The following NEDD4L variants were observed in gnomAD, a reference collection of about 807,000 sequenced individuals.
NEDD4L encodes the protein NEDD4 like E3 ubiquitin protein ligase, also known as E3 ubiquitin-protein ligase NEDD4-like.
In NEDD4L, 54 loss-of-function variants were observed where a neutral mutation model predicts 148.9. The ratio of observed to expected loss-of-function variants is 0.36; its 90% CI spans 0.29 to 0.45. The LOEUF (loss-of-function observed/expected upper bound fraction) is 0.45. Among genes scored for constraint, NEDD4L ranks in the 20% least tolerant of loss-of-function variants. The probability of loss-of-function intolerance (pLI) is 1.00; values close to 1 mark genes in which losing one functional copy is unlikely to be tolerated. For synonymous variants in NEDD4L, 433 were observed against 440.7 expected, an observed-to-expected ratio of 0.98 and a Z score of 0.22; for missense variants, 856 against 1,233.8, an observed-to-expected ratio of 0.69 and a Z score of 4.59.
intron 2 of NEDD4L, among the ~76,000 whole-genome samples, chr18:58,180,916 T>C (rs930343657): frequency 3.3e-5 from 5 of 152,146 alleles, no homozygotes; most frequent in African/African-American, 1.2e-4. Flanking sequence ...TATCGAGGTG[T>C]ATTGGGGGGG....
intron 1 of NEDD4L, among the ~76,000 whole-genome samples, chr18:58,145,103 C>T (rs757496633): frequency 3.9e-5 from 6 of 152,092 alleles, no homozygotes; most frequent in Non-Finnish European, 7.4e-5. Flanking sequence ...TGCAGTGGGA[C>T]GACATCGGAC....
chr18:58,296,691 G>C (rs939918443), intron 5 of NEDD4L, among the ~76,000 whole-genome samples: 2 of 152,240 alleles, frequency 1.3e-5, no homozygotes, highest in Non-Finnish European at 2.9e-5. Flanking sequence ...GGAGGCTGAG[G>C]CAGGTGGATC....
rs373022176 is a variant in NEDD4L, at chr18:58,168,765, A to T, written c.122+2904A>T. On this transcript the variant is annotated intron_variant, in intron 2 of 30. Transcript: ENST00000400345. ...TGGGTGAAAGAGGAAGAACATTTTC[A>T]TGAGAGGCATTTCAGAGCCTTTAAA... Among the ~76,000 whole-genome samples the T allele has an allele frequency of 1.8e-4, 28 of 152,340 alleles. No individual in the cohort carries two copies. The Middle Eastern group carries it at 0.01, about 56-fold the overall frequency.
chr18:58,230,964 A>C (rs555197149), intron 2 of NEDD4L, among the ~76,000 whole-genome samples: 10 of 152,182 alleles, frequency 6.6e-5, no homozygotes, highest in African/African-American at 1.9e-4. Context: ...AGGGACAAAC[A>C]AGTCTGGACG....
chr18:58,357,460 G>A (rs1196322849), intron 19 of NEDD4L: 1 of 696,872 alleles, frequency 1.4e-6, no homozygotes, highest in Non-Finnish European at 2.6e-6. Context: ...TCATTATAAA[G>A]GAAAACAGCT....
chr18:58,226,696 C>G (rs923401554), intron 2 of NEDD4L, among the ~76,000 whole-genome samples: 4 of 152,194 alleles, frequency 2.6e-5, no homozygotes, highest in Non-Finnish European at 5.9e-5. Flanking sequence ...CTAATAGCCT[C>G]GGCTCACCAA....
chr18:58,322,662 G>A (rs1299853), intron 7 of NEDD4L, among the ~76,000 whole-genome samples, 176 bp downstream of exon 7: 89 of 131,796 alleles, frequency 6.8e-4, no homozygotes, highest in Non-Finnish European at 1.1e-3. Context: ...CCTGCCCTGC[G>A]TGCTGTGGGT....
chr18:58,131,404 G>A (rs1465881166), intron 1 of NEDD4L, among the ~76,000 whole-genome samples: 1 of 150,676 alleles, frequency 6.6e-6, no homozygotes, highest in Non-Finnish European at 1.5e-5. Context: ...TAGCGGAACT[G>A]TGGTGGTGTT....
chr18:58,229,209 T>C (rs949281270), intron 2 of NEDD4L, among the ~76,000 whole-genome samples: 4 of 152,206 alleles, frequency 2.6e-5, no homozygotes, highest in African/African-American at 9.7e-5. Context: ...TAGCAATTCA[T>C]TAGTGATATT....
chr18:58,203,936 C>G (rs902827063), intron 2 of NEDD4L, among the ~76,000 whole-genome samples: 3 of 152,164 alleles, frequency 2.0e-5, no homozygotes, highest in Admixed American at 2.0e-4. Context: ...GAACCCAGTT[C>G]AATCCAACTG....
chr18:58,182,452 T>C (rs1326311173), intron 2 of NEDD4L, among the ~76,000 whole-genome samples: 1 of 151,942 alleles, frequency 6.6e-6, no homozygotes, highest in African/African-American at 2.4e-5. Context: ...TAAGATTTAT[T>C]CTCTGGGCTG....
At chr18:58,054,590 C>A in intron 1 of NEDD4L, 1 of 173,228 alleles carries the variant, frequency 5.8e-6, no homozygotes, top group South Asian at 1.3e-4. Context: ...AGAATGAGAC[C>A]TCATTTCAAA....
chr18:58,325,232 T>C, intron 9 of NEDD4L, 70 bp downstream of exon 9: 1 of 1,562,102 alleles, frequency 6.4e-7, no homozygotes, highest in Non-Finnish European at 8.8e-7. Flanking sequence ...ATGGCGGCCC[T>C]TTGGGACAAG....
intron 5 of NEDD4L, among the ~76,000 whole-genome samples, chr18:58,284,526 G>A (rs2149018322): frequency 6.6e-6 from 1 of 151,686 alleles, no homozygotes; most frequent in African/African-American, 2.4e-5. Context: ...TTGTGGGGCT[G>A]GAGTTGCTTT....
chr18:58,266,247 A>G (rs1189222743), intron 5 of NEDD4L, among the ~76,000 whole-genome samples: 1 of 152,110 alleles, frequency 6.6e-6, no homozygotes, highest in African/African-American at 2.4e-5. Flanking sequence ...AAAATGTTTC[A>G]CATCATAGAA....
intron 6 of NEDD4L, among the ~76,000 whole-genome samples, chr18:58,317,167 A>G (rs2058361498): frequency 6.6e-6 from 1 of 152,216 alleles, no homozygotes; most frequent in South Asian, 2.1e-4. Context: ...GATATTCTTA[A>G]AATATCTTGT....
intron 2 of NEDD4L, among the ~76,000 whole-genome samples, chr18:58,235,222 T>C (rs1252585363): frequency 6.6e-6 from 1 of 152,182 alleles, no homozygotes; most frequent in Non-Finnish European, 1.5e-5. Flanking sequence ...TTCAATTTAC[T>C]GTCTGTCCGG....
rs1555677525 is a variant in NEDD4L, at chr18:58,056,907, T to TTTTTTG, written c.48+12202_48+12203insTTGTTT. ...GAGCTATGCCCTCTTTTTTTTTTTT[T>TTTTTTG]TTTGTTTGTTTGTTTATAACTGTGT... is the stretch of plus-strand genomic sequence containing the variant. On this transcript the variant is annotated intron_variant, in intron 1 of 30. Transcript: ENST00000400345. Among the ~76,000 whole-genome samples the TTTTTTG allele has an allele frequency of 1.1e-3, 169 of 148,148 alleles. 1 individual carries two copies. Among genetic ancestry groups the TTTTTTG allele is most frequent in the South Asian group, 0.011 (51 of 4,536 alleles).
At chr18:58,107,811 C>G (rs1057132919) in intron 1 of NEDD4L, among the ~76,000 whole-genome samples, 1 of 152,154 alleles carries the variant, frequency 6.6e-6, no homozygotes, top group Admixed American at 6.5e-5. Context: ...CTCCCAGGCT[C>G]ATATGATCCT....
Sources: allele counts gnomAD v4.1 joint callset (sites outside exome capture counted in the v4.1 genomes callset), GRCh38; gene constraint gnomAD v4.1.1; transcripts MANE v1.5; gene names NCBI Gene and HGNC (gene_info 2026-07-23, HGNC 2026-07-21).